Variants in SMARCA4 observed in about 807,000 individuals in gnomAD.
SMARCA4 encodes SWI/SNF-related matrix-associated actin-dependent regulator of chromatin subfamily A member 4.
A neutral mutation model predicts 193.9 loss-of-function variants in SMARCA4; 31 were observed. That is an observed-to-expected ratio of 0.16 (90% CI 0.12 to 0.22). The LOEUF is 0.22. Among genes scored for constraint, SMARCA4 ranks in the 10% least tolerant of loss-of-function variants. The pLI is 1.00. For missense variants in SMARCA4, 1,148 were observed against 2,296.0 expected, an observed-to-expected ratio of 0.50 and a Z score of 10.22; for synonymous variants, 942 against 933.1, an observed-to-expected ratio of 1.01 and a Z score of -0.17.
intron 29 of SMARCA4, among the ~76,000 whole-genome samples, chr19:11,038,602 T>C (rs2075397873): frequency 6.6e-6 from 1 of 152,202 alleles, no homozygotes; most frequent in Non-Finnish European, 1.5e-5. Flanking sequence ...GACACGTTTG[T>C]TACCCCACTT....
At position 11,061,202 on chromosome 19, in the gene SMARCA4, AAAATATATATATAT is replaced by A. The variant is rs1345290678; in HGVS notation, c.4912-580_4912-567del. Among the ~76,000 whole-genome samples the A allele has an allele frequency of 1.6e-4, 10 of 61,442 alleles. 1 individual carries two copies. The South Asian group carries it at 3.1e-3, about 19-fold the overall frequency. 40.3% of individuals were successfully genotyped at this position (61,442 alleles called of 152,430 possible). ...GACCCTGTCTTTAAAAAAAAAAAAAAAAATATATATATATATATATATATATATATATATATATA... is the reference window on the plus strand; with the variant it reads ...GACCCTGTCTTTAAAAAAAAAAAAAAATATATATATATATATATATATATA... On this transcript the variant is annotated intron_variant, in intron 34 of 34. Transcript: ENST00000344626.
intron 1 of SMARCA4, among the ~76,000 whole-genome samples, chr19:10,972,885 C>T (rs865839075): frequency 2.0e-5 from 3 of 152,118 alleles, no homozygotes; most frequent in South Asian, 2.1e-4. Flanking sequence ...CCAAAGTGGA[C>T]GGATCATCGG....
intron 1 of SMARCA4, among the ~76,000 whole-genome samples, chr19:10,974,454 C>CTT (rs200604261): frequency 3.7e-5 from 5 of 136,516 alleles, no homozygotes; most frequent in Admixed American, 3.0e-4. Flanking sequence ...CTGATTTAGG[C>CTT]TTTTTTTTTT....
At chr19:11,006,995 G>A (rs770165987) in intron 13 of SMARCA4, among the ~76,000 whole-genome samples, 1 of 152,170 alleles carries the variant, frequency 6.6e-6, no homozygotes, top group Non-Finnish European at 1.5e-5. Context: ...GCTGAGGTGG[G>A]AGGATCGCTT....
chr19:10,961,052 C>A lies in SMARCA4; in HGVS notation c.-154C>A. On this transcript the variant is annotated 5_prime_UTR_variant, in exon 1 of 35. Coordinates refer to ENST00000344626, the MANE Select transcript of SMARCA4 (RefSeq NM_003072.5). ...GGCGGGCGCGCGCGCGAGGCTTCCC[C>A]TCGTTTGGCGGCGGCGGCGGCTTCT... 6.7e-6 allele frequency: 1 copy of A among 148,928 alleles called. No individual in the cohort carries two copies. Among genetic ancestry groups the A allele is most frequent in the South Asian group, 1.9e-4 (1 of 5,236 alleles). The allele number at this position is 148,928 out of a possible 1,614,324, so 9.2% of individuals were successfully genotyped here. A position where few individuals can be genotyped will look rare whatever the true frequency, so the allele number is the denominator to read the frequency against.
rs367702037 is a variant in SMARCA4 at position 11,002,945 on chromosome 19, GT to G, written c.1813-83del. On this transcript the variant is annotated intron_variant, in intron 11 of 34. Transcript: ENST00000344626. ...TGCCATTTTCTGTGCAAACAGTTGA[GT>G]GGGTGCTTCCCACCTTGGCCTCTGT... The G allele has an allele frequency of 3.3e-4, 498 of 1,506,478 alleles. No individual in the cohort carries two copies. The African/African-American group carries it at 5.7e-3, about 17-fold the overall frequency. The allele number at this position is 1,506,478 out of a possible 1,614,324, so 93.3% of individuals were successfully genotyped here. A position where few individuals can be genotyped will look rare whatever the true frequency, so the allele number is the denominator to read the frequency against.
intron 15 of SMARCA4, chr19:11,011,771 C>T (rs1035604160): frequency 1.3e-5 from 2 of 152,096 alleles, no homozygotes; most frequent in African/African-American, 2.4e-5. Context: ...GGAGGAGAGC[C>T]CGAGCCCAGG....
chr19:11,020,415 G>T (rs970407153), intron 18 of SMARCA4, among the ~76,000 whole-genome samples: 12 of 143,968 alleles, frequency 8.3e-5, no homozygotes, highest in African/African-American at 2.0e-4. Flanking sequence ...TTGCGTTTTG[G>T]TTTTTTTTTT....
At chr19:11,008,994 T>G (rs975975028) in intron 14 of SMARCA4, among the ~76,000 whole-genome samples, 48 of 98,384 alleles carry the variant, frequency 4.9e-4, no homozygotes, top group Middle Eastern at 6.3e-3. Context: ...AAAATGTAGG[T>G]GGATAAAAGT....
chr19:11,052,353 G>A (rs1023808782), intron 30 of SMARCA4, among the ~76,000 whole-genome samples: 6 of 152,176 alleles, frequency 3.9e-5, no homozygotes, highest in African/African-American at 1.2e-4. Flanking sequence ...GTGAGCCCAG[G>A]AGTTGGAGGC....
intron 15 of SMARCA4, chr19:11,012,660 A>G: frequency 2.2e-6 from 1 of 447,158 alleles, no homozygotes; most frequent in Non-Finnish European, 4.2e-6. Context: ...GGACAGGCAG[A>G]CAATGTAACA....
chr19:11,022,636 C>T (rs952729273), intron 19 of SMARCA4, among the ~76,000 whole-genome samples: 2 of 152,194 alleles, frequency 1.3e-5, no homozygotes, highest in African/African-American at 4.8e-5. Flanking sequence ...GAGGTTACCT[C>T]GAAGTGCCCT....
At chr19:11,027,316 A>G (rs951498775) in intron 23 of SMARCA4, among the ~76,000 whole-genome samples, 1 of 152,212 alleles carries the variant, frequency 6.6e-6, no homozygotes, top group African/African-American at 2.4e-5. Context: ...CAGTGTCCAC[A>G]TCTACAACAC....
intron 14 of SMARCA4, among the ~76,000 whole-genome samples, chr19:11,009,001 A>G (rs1555772283): frequency 7.7e-6 from 1 of 129,650 alleles, no homozygotes; most frequent in Non-Finnish European, 1.6e-5. Context: ...AGGTGGATAA[A>G]AGTCACTTTT....
chr19:11,033,121 G>A lies in SMARCA4; in HGVS notation c.3547-169G>A, dbSNP rs1225176523. ...CCCCTTCCCCCGAGGGACACATGGC[G>A]GCCCAGGCTCCACCAGCTCTGTTTT... On this transcript the variant is annotated intron_variant, in intron 25 of 34. Coordinates refer to ENST00000344626, the MANE Select transcript of SMARCA4 (RefSeq NM_003072.5). This position sits in a 1 kb window ranked among gnomAD's most constrained non-coding sequence, Gnocchi z 9.8. 137 of 683,992 alleles carry A rather than the reference G, an allele frequency of 2.0e-4. 1 individual carries two copies. The East Asian group carries it at 3.6e-3, about 18-fold the overall frequency. 42.4% of individuals were successfully genotyped at this position (683,992 alleles called of 1,614,324 possible).
chr19:11,013,636 C>T (rs953119823), intron 16 of SMARCA4, among the ~76,000 whole-genome samples: 2 of 152,086 alleles, frequency 1.3e-5, no homozygotes, highest in Non-Finnish European at 2.9e-5. Flanking sequence ...CCCGGGATGT[C>T]CTTGGTGTCC....
Position 11,019,067 on chromosome 19 carries a change from C to T in SMARCA4, c.2505+44C>T, listed in dbSNP as rs369243488. 8.2e-5 allele frequency: 121 copies of T among 1,483,042 alleles called. 1 individual carries two copies. The highest frequency in any genetic ancestry group is 1.1e-4 in the Non-Finnish European group (116 of 1,060,526). 91.9% of individuals were successfully genotyped at this position (1,483,042 alleles called of 1,614,324 possible). On this transcript the variant is annotated intron_variant, in intron 17 of 34. Transcript: ENST00000344626. The surrounding 1 kb of genome is among the most constrained non-coding windows in gnomAD (Gnocchi z 6.1). ...GGTTTCCTCTCTTGCTACGGAGGTGCAGGCGGTGGTGGGCAGGACGTCCAC... is the reference window on the plus strand; with the variant it reads ...GGTTTCCTCTCTTGCTACGGAGGTGTAGGCGGTGGTGGGCAGGACGTCCAC...
chr19:11,056,876 C>G (rs996465560), intron 30 of SMARCA4, among the ~76,000 whole-genome samples: 5 of 152,250 alleles, frequency 3.3e-5, no homozygotes, highest in African/African-American at 1.2e-4. Flanking sequence ...ACCAGGGAAG[C>G]CACCATGTTG....
rs553253774 is a variant in SMARCA4, at chr19:11,061,445, G to A, written c.4912-339G>A. Among the ~76,000 whole-genome samples, 438 of 151,818 alleles carry A rather than the reference G, an allele frequency of 2.9e-3. 4 individuals are homozygous for A. The highest frequency in any genetic ancestry group is 9.7e-3 in the African/African-American group (400 of 41,434). On this transcript the variant is annotated intron_variant, in intron 34 of 34. Transcript: ENST00000344626. ...TTGGGCATGGCCATGGCGCCATCTC[G>A]GCTCACTGCAAGCTCCACCCCCCGG...
Sources: allele counts gnomAD v4.1 joint callset (sites outside exome capture counted in the v4.1 genomes callset), GRCh38; gene constraint gnomAD v4.1.1; non-coding constraint Gnocchi (gnomAD v3.1); transcripts MANE v1.5; gene names NCBI Gene and HGNC (gene_info 2026-07-23, HGNC 2026-07-21).